Variants in NEK4 observed in about 807,000 individuals in gnomAD.
NEK4 encodes NIMA related kinase 4.
NEK4 carries 86 observed loss-of-function variants against 98.4 expected under a neutral mutation model. The observed-to-expected ratio is 0.87, with a 90% CI of 0.73 to 1.05. The LOEUF (loss-of-function observed/expected upper bound fraction) is 1.05. Ranked by LOEUF, NEK4 falls within the 50% of genes least tolerant of loss-of-function variation. The pLI is 0.00. For missense variants in NEK4, 898 were observed against 950.3 expected (o/e 0.94, Z 0.72); for synonymous variants, 328 against 342.2 (o/e 0.96, Z 0.46).
intron 6 of NEK4, among the ~76,000 whole-genome samples, chr3:52,758,605 G>A (rs1175546169): frequency 6.7e-6 from 1 of 150,338 alleles, no homozygotes; most frequent in Non-Finnish European, 1.5e-5. Context: ...AAGCTTTTGT[G>A]AAAAGGACAT....
chr3:52,766,584 G>A (rs1356687729), intron 2 of NEK4, among the ~76,000 whole-genome samples: 1 of 152,106 alleles, frequency 6.6e-6, no homozygotes, highest in African/African-American at 2.4e-5. Context: ...TACAATTTTT[G>A]AAATGAGAAA....
intron 5 of NEK4, among the ~76,000 whole-genome samples, chr3:52,762,166 AAC>A (rs1698381992): frequency 6.6e-6 from 1 of 152,254 alleles, no homozygotes; most frequent in Non-Finnish European, 1.5e-5. Flanking sequence ...TAGATCCTGG[AAC>A]ACCTGTTTAG....
At position 52,746,044 on chromosome 3, in the gene NEK4, CAT is replaced by C; in HGVS notation, c.1827+15_1827+16del. 1 of 1,610,886 alleles carries C rather than the reference CAT, an allele frequency of 6.2e-7. No individual in the cohort carries two copies. The highest frequency in any genetic ancestry group is 8.5e-7 in the Non-Finnish European group (1 of 1,178,192). ...GGTTATAAGGTTTTTAAAAATCCAG[CAT>C]ATGTTCCCACAAACCTTTGATGATG... On this transcript the variant is annotated intron_variant, in intron 10 of 15. Coordinates refer to ENST00000233027, the MANE Select transcript of NEK4 (RefSeq NM_003157.6).
At chr3:52,745,566 G>A (rs563068386) in intron 10 of NEK4, among the ~76,000 whole-genome samples, 6 of 150,390 alleles carry the variant, frequency 4.0e-5, no homozygotes, top group African/African-American at 7.3e-5. Flanking sequence ...GCAACAGAGC[G>A]AGACTCCACC....
chr3:52,731,861 C>A (rs559294513), intron 15 of NEK4, among the ~76,000 whole-genome samples: 1 of 152,200 alleles, frequency 6.6e-6, no homozygotes, highest in South Asian at 2.1e-4. Flanking sequence ...GTGGGAGGGA[C>A]CCGGCGGGAG....
chr3:52,750,265 A>G (rs1295238015), intron 7 of NEK4, among the ~76,000 whole-genome samples: 3 of 152,106 alleles, frequency 2.0e-5, no homozygotes, highest in Admixed American at 6.5e-5. Flanking sequence ...AAATATATAT[A>G]GGCTGGGTGT....
Position 52,711,699 on chromosome 3 carries a change from G to C in NEK4, c.*78C>G, listed in dbSNP as rs2097350546. On this transcript the variant is annotated 3_prime_UTR_variant, in exon 16 of 16. Transcript: ENST00000233027. The stretch of plus-strand genomic sequence containing the variant: ...AAACAGTGGTGAGTGGCTTCCAAAT[G>C]ACTGTTTGCCCTTGCTTTTTAAGCC... 1 of 827,298 alleles carries C rather than the reference G, an allele frequency of 1.2e-6. No homozygotes were observed. The highest frequency in any genetic ancestry group is 2.5e-5 in the East Asian group (1 of 40,690). The allele number at this position is 827,298 out of a possible 1,614,324, so 51.2% of individuals were successfully genotyped here. A position where few individuals can be genotyped will look rare whatever the true frequency, so the allele number is the denominator to read the frequency against.
intron 15 of NEK4, 27 bp downstream of exon 15, chr3:52,737,559 T>C: frequency 6.2e-7 from 1 of 1,611,892 alleles, no homozygotes. Flanking sequence ...AACATAAGCA[T>C]CTTGATACAG....
rs1000221164 is a variant in NEK4 at position 52,770,934 on chromosome 3, C to G, written c.-188G>C. 9 of 597,064 alleles carry G rather than the reference C, an allele frequency of 1.5e-5. No individual in the cohort carries two copies. In the Admixed American group the frequency reaches 2.7e-4, roughly 18 times the overall value. 37.0% of individuals were successfully genotyped at this position (597,064 alleles called of 1,614,324 possible). On this transcript the variant is annotated 5_prime_UTR_variant, in exon 1 of 16. Coordinates refer to ENST00000233027, the MANE Select transcript of NEK4 (RefSeq NM_003157.6). ...CTGCCATAGCGATCCGGGCCGGGAG[C>G]AGTTCTGCGCATGCTCCTGCGTCCC...
chr3:52,731,845 C>T lies in NEK4; in HGVS notation c.2433+5741G>A, dbSNP rs576887929. 4.6e-5 allele frequency among the ~76,000 whole-genome samples: 7 copies of T among 152,342 alleles called. No homozygotes were observed. In the South Asian group the frequency reaches 1.0e-3, roughly 23 times the overall value. On this transcript the variant is annotated intron_variant, in intron 15 of 15. Transcript: ENST00000233027. ...TGAATTGTATCTCCCATAATCCCCACGTGTCGTGGGAGGGACCCGGCGGGA... is the reference window on the plus strand; with the variant it reads ...TGAATTGTATCTCCCATAATCCCCATGTGTCGTGGGAGGGACCCGGCGGGA...
chr3:52,709,927 T>C lies in NEK4; in HGVS notation c.*1850A>G, dbSNP rs1433642863. The C allele has an allele frequency of 6.6e-6, 1 of 152,128 alleles. No individual in the cohort carries two copies. The highest frequency in any genetic ancestry group is 1.5e-5 in the Non-Finnish European group (1 of 68,030). The allele number at this position is 152,128 out of a possible 1,614,324, so 9.4% of individuals were successfully genotyped here. On this transcript the variant is annotated 3_prime_UTR_variant, in exon 16 of 16. Transcript: ENST00000233027. ...CTTGATGGTTTTGCAAGTTGAGTTCTAGCAAACCCTTCAAAGTGAAAATAA... is the reference window on the plus strand; with the variant it reads ...CTTGATGGTTTTGCAAGTTGAGTTCCAGCAAACCCTTCAAAGTGAAAATAA...
intron 14 of NEK4, among the ~76,000 whole-genome samples, chr3:52,738,063 T>A (rs1011254852): frequency 1.3e-5 from 2 of 152,054 alleles, no homozygotes; most frequent in African/African-American, 4.8e-5. Flanking sequence ...CCCACCCACC[T>A]CAGCCTCCCA....
At chr3:52,720,174 T>C (rs1320725096) in intron 15 of NEK4, among the ~76,000 whole-genome samples, 2 of 152,002 alleles carry the variant, frequency 1.3e-5, no homozygotes, top group Non-Finnish European at 1.5e-5. Flanking sequence ...TTCTGGGTAC[T>C]TGGGAGGCTG....
At chr3:52,718,182 A>G (rs1289718019) in intron 15 of NEK4, among the ~76,000 whole-genome samples, 2 of 151,852 alleles carry the variant, frequency 1.3e-5, no homozygotes, top group East Asian at 3.9e-4. Flanking sequence ...TTAGAAATAC[A>G]ATTATAGGCT....
At chr3:52,750,934 T>TA (rs1283033979) in intron 7 of NEK4, among the ~76,000 whole-genome samples, 1 of 152,098 alleles carries the variant, frequency 6.6e-6, no homozygotes, top group Non-Finnish European at 1.5e-5. Context: ...CTCAAAAAAT[T>TA]AAAAAATGAA....
At chr3:52,745,436 G>A (rs113078912) in intron 10 of NEK4, among the ~76,000 whole-genome samples, 5,994 of 151,926 alleles carry the variant, frequency 0.039, 403 homozygotes, top group African/African-American at 0.13. Flanking sequence ...AAAATTAGCC[G>A]AGCATGGTGG....
intron 15 of NEK4, among the ~76,000 whole-genome samples, chr3:52,722,194 AT>A (rs1483573959): frequency 3.3e-5 from 5 of 152,150 alleles, no homozygotes; most frequent in African/African-American, 4.8e-5. Context: ...CCACCCTCGC[AT>A]CCCCTCTCTG....
At chr3:52,720,387 AT>A (rs763005869) in intron 15 of NEK4, among the ~76,000 whole-genome samples, 30 of 152,186 alleles carry the variant, frequency 2.0e-4, no homozygotes, top group Non-Finnish European at 4.0e-4. Flanking sequence ...TACTTTACAA[AT>A]TTATTGAAAA....
chr3:52,714,669 G>A (rs2097353480), intron 15 of NEK4, among the ~76,000 whole-genome samples: 1 of 152,206 alleles, frequency 6.6e-6, no homozygotes, highest in Non-Finnish European at 1.5e-5. Flanking sequence ...CCTGCCGCTG[G>A]GGGAGCAGCG....
Sources: gnomAD v4.1 joint callset for allele counts (sites outside exome capture counted in the v4.1 genomes callset) on GRCh38, gnomAD v4.1.1 for gene constraint, MANE v1.5 for transcripts, NCBI Gene and HGNC (gene_info 2026-07-23, HGNC 2026-07-21) for gene names.